Variants in CBFA2T2 observed in about 807,000 individuals in gnomAD.
The protein encoded by CBFA2T2 is CBFA2/RUNX1 partner transcriptional co-repressor 2.
In CBFA2T2, 11 loss-of-function variants were observed where a neutral mutation model predicts 62.2. The observed-to-expected ratio is 0.18, with a 90% confidence interval of 0.11 to 0.29. The LOEUF is 0.29. Ranked by LOEUF, CBFA2T2 falls within the 10% of genes least tolerant of loss-of-function variation. The pLI, the probability that CBFA2T2 is intolerant of heterozygous loss-of-function variation, is 1.00. For missense variants in CBFA2T2, 592 were observed against 774.1 expected (o/e 0.76, Z 2.79); for synonymous variants, 295 against 287.5 (o/e 1.03, Z -0.27).
Position 33,515,350 on chromosome 20 carries a change from C to CAA in CBFA2T2, c.34+25069_34+25070dup, listed in dbSNP as rs11371940. Reference sequence around the variant, plus strand: ...TGGGTGACAAAGCAAGACTCCATCTCAAAAAAAAAAAAAAAAAAAAAGTGT... The same window carrying CAA: ...TGGGTGACAAAGCAAGACTCCATCTCAAAAAAAAAAAAAAAAAAAAAAAGTGT... On this transcript the variant is annotated intron_variant, in intron 1 of 10. Transcript: ENST00000342704. Among the ~76,000 whole-genome samples, 425 of 81,538 alleles carry CAA rather than the reference C, an allele frequency of 5.2e-3. 13 individuals carry two copies. Among genetic ancestry groups the CAA allele is most frequent in the Middle Eastern group, 0.011 (1 of 94 alleles). 53.5% of individuals were successfully genotyped at this position (81,538 alleles called of 152,430 possible).
At chr20:33,565,206 A>G (rs772332237) in intron 1 of CBFA2T2, among the ~76,000 whole-genome samples, 1 of 152,246 alleles carries the variant, frequency 6.6e-6, no homozygotes, top group Admixed American at 6.5e-5. Context: ...GGTGTGAGCC[A>G]CTGCGCCCGG....
intron 1 of CBFA2T2, among the ~76,000 whole-genome samples, chr20:33,592,774 C>T (rs1321862136): frequency 1.6e-4 from 24 of 151,968 alleles, no homozygotes; most frequent in African/African-American, 5.8e-4. Context: ...ATGAATGGGT[C>T]ACTGCCACTT....
chr20:33,636,577 C>T, intron 8 of CBFA2T2, 63 bp from the exon 9 acceptor site: 1 of 1,263,072 alleles, frequency 7.9e-7, no homozygotes, highest in South Asian at 1.3e-5. Flanking sequence ...GAAATCTGAT[C>T]AAAAATAAAA....
At chr20:33,525,813 G>A (rs551700959) in intron 1 of CBFA2T2, among the ~76,000 whole-genome samples, 7 of 152,184 alleles carry the variant, frequency 4.6e-5, no homozygotes, top group Admixed American at 1.3e-4. Flanking sequence ...CACCATGCCT[G>A]TGACCAGTTT....
At chr20:33,543,209 C>T (rs2012452848) in intron 1 of CBFA2T2, among the ~76,000 whole-genome samples, 1 of 151,746 alleles carries the variant, frequency 6.6e-6, no homozygotes, top group Admixed American at 6.6e-5. Flanking sequence ...AGCAGGGTTT[C>T]ACCATGTTGG....
At chr20:33,525,482 G>C (rs1262897049) in intron 1 of CBFA2T2, among the ~76,000 whole-genome samples, 1 of 152,046 alleles carries the variant, frequency 6.6e-6, no homozygotes, top group Non-Finnish European at 1.5e-5. Context: ...CACTGCACCT[G>C]GCCCTACCCT....
At chr20:33,545,149 A>G (rs1211380815) in intron 1 of CBFA2T2, among the ~76,000 whole-genome samples, 2 of 152,218 alleles carry the variant, frequency 1.3e-5, no homozygotes. Flanking sequence ...TTGTGAAATA[A>G]TAAGCATTTA....
chr20:33,556,857 C>A (rs1200186416), intron 1 of CBFA2T2, among the ~76,000 whole-genome samples: 1 of 152,088 alleles, frequency 6.6e-6, no homozygotes, highest in Admixed American at 6.5e-5. Context: ...ATGCTCTAAT[C>A]CATTACTATC....
intron 1 of CBFA2T2, among the ~76,000 whole-genome samples, chr20:33,537,803 A>G (rs972708026): frequency 3.9e-5 from 6 of 152,098 alleles, no homozygotes; most frequent in African/African-American, 9.7e-5. Flanking sequence ...TCAGTTGTTT[A>G]TATATCTGTG....
intron 1 of CBFA2T2, among the ~76,000 whole-genome samples, chr20:33,572,930 G>A (rs1021412872): frequency 9.9e-5 from 15 of 152,186 alleles, no homozygotes; most frequent in Non-Finnish European, 1.8e-4. Context: ...AAAGTGACAA[G>A]TTTGGCCCAG....
intron 1 of CBFA2T2, among the ~76,000 whole-genome samples, chr20:33,585,974 GA>G (rs2014350521): frequency 6.6e-6 from 1 of 152,148 alleles, no homozygotes. Context: ...AACTGTAGAA[GA>G]AAAATAGTGA....
At chr20:33,503,923 T>A (rs2011351405) in intron 1 of CBFA2T2, among the ~76,000 whole-genome samples, 1 of 152,154 alleles carries the variant, frequency 6.6e-6, no homozygotes, top group Non-Finnish European at 1.5e-5. Flanking sequence ...AGTTTTGTAT[T>A]ATTAGTATGC....
At chr20:33,554,284 GCT>G (rs1395938056) in intron 1 of CBFA2T2, among the ~76,000 whole-genome samples, 5 of 124,416 alleles carry the variant, frequency 4.0e-5, no homozygotes, top group Non-Finnish European at 4.9e-5. Context: ...AGACAGTGTT[GCT>G]CTGTCACCCA....
intron 1 of CBFA2T2, among the ~76,000 whole-genome samples, chr20:33,546,035 TGCAA>T (rs561466969): frequency 2.0e-5 from 3 of 152,364 alleles, no homozygotes; most frequent in South Asian, 4.1e-4. Context: ...TATCTTTCTG[TGCAA>T]GCCTACCATG....
intron 3 of CBFA2T2, chr20:33,618,318 T>G (rs1042733273): frequency 6.6e-6 from 1 of 152,226 alleles, no homozygotes; most frequent in Non-Finnish European, 1.5e-5. Flanking sequence ...CAAGCAGGGA[T>G]TCAGAATAAT....
chr20:33,607,672 C>T (rs1364715864), intron 2 of CBFA2T2, among the ~76,000 whole-genome samples: 1 of 152,110 alleles, frequency 6.6e-6, no homozygotes, highest in African/African-American at 2.4e-5. Context: ...ATGGTCTTTC[C>T]TCCATTTTGC....
chr20:33,506,282 A>T (rs2011401745), intron 1 of CBFA2T2, among the ~76,000 whole-genome samples: 1 of 152,108 alleles, frequency 6.6e-6, no homozygotes, highest in East Asian at 1.9e-4. Flanking sequence ...ATTAATACAA[A>T]AAAGAAGAGA....
chr20:33,625,679 G>A (rs74357299), intron 6 of CBFA2T2, among the ~76,000 whole-genome samples: 3,876 of 152,318 alleles, frequency 0.025, 84 homozygotes, highest in Non-Finnish European at 0.043. Context: ...CAAGCTCAGT[G>A]GCTCATGCCT....
At chr20:33,616,124 GATAGATA>G (rs1279700493) in intron 3 of CBFA2T2, among the ~76,000 whole-genome samples, 5 of 148,688 alleles carry the variant, frequency 3.4e-5, no homozygotes, top group Admixed American at 1.4e-4. Flanking sequence ...TAGATAGATA[GATAGATA>G]GATGACAGAG....
Sources: allele counts gnomAD v4.1 joint callset (sites outside exome capture counted in the v4.1 genomes callset), GRCh38; gene constraint gnomAD v4.1.1; transcripts MANE v1.5; gene names NCBI Gene and HGNC (gene_info 2026-07-23, HGNC 2026-07-21).